COBL: variants seen among roughly 807,000 people sequenced by gnomAD.
COBL encodes protein cordon-bleu.
Under a neutral mutation model 98.8 loss-of-function variants are expected in COBL, and 51 were observed. That is an observed-to-expected ratio of 0.52 (90% confidence interval 0.41 to 0.65). The LOEUF (loss-of-function observed/expected upper bound fraction) is 0.65. Ranked by LOEUF, COBL falls within the 30% of genes least tolerant of loss-of-function variation. The pLI, the probability that COBL is intolerant of heterozygous loss-of-function variation, is 0.00. For missense variants in COBL, 1,617 were observed against 1,617.5 expected, an observed-to-expected ratio of 1.00 and a Z score of 0.01; for synonymous variants, 634 against 651.7, an observed-to-expected ratio of 0.97 and a Z score of 0.41.
At chr7:51,112,137 A>G (rs1796883840) in intron 6 of COBL, among the ~76,000 whole-genome samples, 1 of 152,218 alleles carries the variant, frequency 6.6e-6, no homozygotes, top group Admixed American at 6.5e-5. Context: ...CTTGGAAACA[A>G]TTTAATGGTT....
At chr7:51,297,143 C>T (rs1801486448) in intron 1 of COBL, among the ~76,000 whole-genome samples, 1 of 152,126 alleles carries the variant, frequency 6.6e-6, no homozygotes, top group South Asian at 2.1e-4. Context: ...CTGCACATCC[C>T]TGGTTAACAC....
At chr7:51,181,395 T>G (rs947114190) in intron 5 of COBL, among the ~76,000 whole-genome samples, 2 of 152,180 alleles carry the variant, frequency 1.3e-5, no homozygotes, top group African/African-American at 4.8e-5. Context: ...ACTGAGTGAA[T>G]TTTTTGCCAA....
At position 51,022,272 on chromosome 7, in the gene COBL, G is replaced by A. The variant is rs547137571; in HGVS notation, c.3768+2837C>T. On this transcript the variant is annotated intron_variant, in intron 12 of 12. Coordinates refer to ENST00000265136, the MANE Select transcript of COBL (RefSeq NM_015198.5). ...TTAATTGCCTAGAACTTTCCAGGGT[G>A]GATAAGGCAGGCCACACGACTCAGA... is the stretch of plus-strand genomic sequence containing the variant. Among the ~76,000 whole-genome samples, 25 of 152,246 alleles carry A rather than the reference G, an allele frequency of 1.6e-4. 1 individual carries two copies. The South Asian group carries it at 3.7e-3, about 23-fold the overall frequency.
chr7:51,096,314 G>A lies in COBL; in HGVS notation c.958-11010C>T, dbSNP rs562822625. Among the ~76,000 whole-genome samples, 6 of 152,186 alleles carry A rather than the reference G, an allele frequency of 3.9e-5. No homozygotes were observed. The East Asian group carries it at 1.2e-3, about 29-fold the overall frequency. ...CACAAGGGTAGTCAGAAAATATATT[G>A]AGACAAATGAAAATAAAACCATAAT... On this transcript the variant is annotated intron_variant, in intron 6 of 12. Transcript: ENST00000265136.
intron 1 of COBL, among the ~76,000 whole-genome samples, chr7:51,254,508 A>G (rs1584318272): frequency 6.6e-6 from 1 of 152,178 alleles, no homozygotes. Context: ...CAACATTCAA[A>G]CAACATCCTG....
chr7:51,082,060 A>G (rs1397737750), intron 7 of COBL, among the ~76,000 whole-genome samples: 1 of 152,214 alleles, frequency 6.6e-6, no homozygotes, highest in East Asian at 1.9e-4. Flanking sequence ...TATTTTGCCT[A>G]GAGAAAGTCA....
rs550690846 is a variant in COBL, at chr7:51,227,125, C to T, written c.42-7181G>A. Among the ~76,000 whole-genome samples the T allele has an allele frequency of 5.3e-5, 8 of 152,238 alleles. No individual in the cohort carries two copies. In the South Asian group the frequency reaches 6.2e-4, roughly 12 times the overall value. On this transcript the variant is annotated intron_variant, in intron 1 of 12. Coordinates refer to ENST00000265136, the MANE Select transcript of COBL (RefSeq NM_015198.5). Reference sequence around the variant, plus strand: ...CTAGAACGCTGGTGCCCTGCAGTGCCGGCTGATGAGCGGTGAGGTTAGAGA... The same window carrying T: ...CTAGAACGCTGGTGCCCTGCAGTGCTGGCTGATGAGCGGTGAGGTTAGAGA...
chr7:51,089,370 C>T (rs1292957133), intron 6 of COBL, among the ~76,000 whole-genome samples: 1 of 151,986 alleles, frequency 6.6e-6, no homozygotes, highest in Non-Finnish European at 1.5e-5. Context: ...TAAAAATTAG[C>T]CAGGCGTGGT....
At chr7:51,229,946 G>A (rs1040509564) in intron 1 of COBL, among the ~76,000 whole-genome samples, 1 of 152,144 alleles carries the variant, frequency 6.6e-6, no homozygotes, top group East Asian at 1.9e-4. Context: ...GGGATGGAGG[G>A]ATCTGGTCAT....
chr7:51,076,349 T>C (rs1300168981), intron 7 of COBL, among the ~76,000 whole-genome samples: 1 of 152,204 alleles, frequency 6.6e-6, no homozygotes, highest in Non-Finnish European at 1.5e-5. Context: ...TCCTACCTTC[T>C]CCAGTTCCAC....
At chr7:51,229,748 C>T (rs1262656065) in intron 1 of COBL, among the ~76,000 whole-genome samples, 1 of 152,186 alleles carries the variant, frequency 6.6e-6, no homozygotes, top group Non-Finnish European at 1.5e-5. Flanking sequence ...TGCAGCCAGT[C>T]TCTATGTGGC....
At chr7:51,107,952 C>T (rs956208718) in intron 6 of COBL, among the ~76,000 whole-genome samples, 1 of 152,206 alleles carries the variant, frequency 6.6e-6, no homozygotes, top group Non-Finnish European at 1.5e-5. Flanking sequence ...CTGATTCTTC[C>T]TCCTCCTGCA....
chr7:51,018,906 ATATATATATATATATAT>A lies in COBL; in HGVS notation c.3769-1355_3769-1339del, dbSNP rs1387505909. ...AACTCCATCTCAAAAAAAAAAAAAA[ATATATATATATATATAT>A]ATATATATATATATATATATATATA... On this transcript the variant is annotated intron_variant, in intron 12 of 12. Transcript: ENST00000265136. Among the ~76,000 whole-genome samples, 129 of 33,802 alleles carry A rather than the reference ATATATATATATATATAT, an allele frequency of 3.8e-3. 18 individuals are homozygous for A. Among genetic ancestry groups the A allele is most frequent in the African/African-American group, 9.4e-3 (111 of 11,786 alleles). 22.2% of individuals were successfully genotyped at this position (33,802 alleles called of 152,430 possible).
At chr7:51,186,296 C>T (rs1443143618) in intron 4 of COBL, among the ~76,000 whole-genome samples, 2 of 152,174 alleles carry the variant, frequency 1.3e-5, no homozygotes, top group African/African-American at 2.4e-5. Flanking sequence ...CCAGATGTGA[C>T]CCCATCGTAA....
intron 6 of COBL, among the ~76,000 whole-genome samples, chr7:51,110,895 C>G (rs563390371): frequency 4.3e-4 from 65 of 152,344 alleles, no homozygotes; most frequent in African/African-American, 1.5e-3. Context: ...GCATAGTATT[C>G]CATCATATGT....
chr7:51,165,204 G>A (rs1009896385), intron 5 of COBL, among the ~76,000 whole-genome samples: 4 of 151,924 alleles, frequency 2.6e-5, no homozygotes, highest in South Asian at 4.2e-4. Flanking sequence ...AAGACCCACT[G>A]ATCTGTTGCC....
At chr7:51,126,148 C>T (rs1039221684) in intron 6 of COBL, among the ~76,000 whole-genome samples, 6 of 152,052 alleles carry the variant, frequency 3.9e-5, no homozygotes, top group Admixed American at 6.6e-5. Context: ...GCCAACATGG[C>T]GAAACCCCAT....
At chr7:51,117,058 T>C (rs1797330556) in intron 6 of COBL, among the ~76,000 whole-genome samples, 1 of 151,730 alleles carries the variant, frequency 6.6e-6, no homozygotes, top group Non-Finnish European at 1.5e-5. Context: ...ACATTAGGTA[T>C]ATCTCCTAAT....
chr7:51,065,095 A>G (rs1455523268), intron 7 of COBL: 2 of 673,396 alleles, frequency 3.0e-6, no homozygotes, highest in South Asian at 3.2e-5. Flanking sequence ...ACACCTTCAC[A>G]GTATTCTAAC....
Sources: allele counts gnomAD v4.1 joint callset (sites outside exome capture counted in the v4.1 genomes callset), GRCh38; gene constraint gnomAD v4.1.1; transcripts MANE v1.5; gene names NCBI Gene and HGNC (gene_info 2026-07-23, HGNC 2026-07-21).